Variants in TBC1D22A observed in about 807,000 individuals in gnomAD.
TBC1D22A encodes the protein putative GTPase activator.
TBC1D22A carries 38 observed loss-of-function variants against 60.2 expected under a neutral mutation model. That is an observed-to-expected ratio of 0.63 (90% CI 0.49 to 0.83). TBC1D22A has a LOEUF of 0.83. Among genes scored for constraint, TBC1D22A ranks in the 40% least tolerant of loss-of-function variants. The probability of loss-of-function intolerance (pLI) is 0.00; values close to 1 mark genes in which losing one functional copy is unlikely to be tolerated. For missense variants in TBC1D22A, 628 were observed against 701.0 expected, an observed-to-expected ratio of 0.90 and a Z score of 1.18; for synonymous variants, 302 against 281.7, an observed-to-expected ratio of 1.07 and a Z score of -0.72.
chr22:46,968,964 C>T (rs553213564), intron 8 of TBC1D22A, among the ~76,000 whole-genome samples: 38 of 152,288 alleles, frequency 2.5e-4, no homozygotes, highest in Admixed American at 2.3e-3. Context: ...TCTCCATCCA[C>T]GTGGACTGGT....
At chr22:47,037,438 A>G (rs557322244) in intron 11 of TBC1D22A, among the ~76,000 whole-genome samples, 8 of 152,286 alleles carry the variant, frequency 5.3e-5, no homozygotes, top group Admixed American at 2.0e-4. Flanking sequence ...GAGACCAATC[A>G]TGGGCAACAT....
intron 10 of TBC1D22A, among the ~76,000 whole-genome samples, chr22:47,000,273 C>G (rs2075269081): frequency 1.3e-5 from 2 of 151,898 alleles, no homozygotes; most frequent in Admixed American, 6.6e-5. Context: ...GAGCAGAGAG[C>G]TGGAGGAGGG....
intron 7 of TBC1D22A, among the ~76,000 whole-genome samples, chr22:46,901,522 A>G (rs1164520013): frequency 2.6e-5 from 4 of 152,262 alleles, no homozygotes; most frequent in South Asian, 2.1e-4. Context: ...TGAGTAATTC[A>G]CACACCAAAT....
At chr22:46,837,147 A>G (rs1007274892) in intron 4 of TBC1D22A, among the ~76,000 whole-genome samples, 6 of 152,236 alleles carry the variant, frequency 3.9e-5, no homozygotes, top group Admixed American at 1.3e-4. Flanking sequence ...AAGTGTCACA[A>G]GAGACAAGGG....
In TBC1D22A at chr22:46,979,513, G is replaced by A. The variant is rs191488584; in HGVS notation, c.1125+5114G>A. Among the ~76,000 whole-genome samples, 108 of 152,338 alleles carry A rather than the reference G, an allele frequency of 7.1e-4. 1 individual carries two copies. The highest frequency in any genetic ancestry group is 4.6e-3 in the Admixed American group (71 of 15,306). On this transcript the variant is annotated intron_variant, in intron 9 of 12. Coordinates refer to ENST00000337137, the MANE Select transcript of TBC1D22A (RefSeq NM_014346.5). ...CAGCGCACCAAGTGCTCTCCTTGAC[G>A]ACGCTTCTGTTTCTGGATTTGCCCC...
intron 10 of TBC1D22A, among the ~76,000 whole-genome samples, chr22:47,002,487 T>C (rs1298049128): frequency 6.6e-6 from 1 of 152,224 alleles, no homozygotes; most frequent in Non-Finnish European, 1.5e-5. Flanking sequence ...AATGAGATAT[T>C]TGCTACATTT....
Position 46,992,836 on chromosome 22 carries a change from C to T in TBC1D22A, c.1126-4798C>T, listed in dbSNP as rs535773276. Among the ~76,000 whole-genome samples the T allele has an allele frequency of 2.3e-3, 328 of 143,198 alleles. 4 individuals carry two copies. Among genetic ancestry groups the T allele is most frequent in the African/African-American group, 8.7e-3 (314 of 35,972 alleles). The allele number at this position is 143,198 out of a possible 152,430, so 93.9% of individuals were successfully genotyped here. On this transcript the variant is annotated intron_variant, in intron 9 of 12. Coordinates refer to ENST00000337137, the MANE Select transcript of TBC1D22A (RefSeq NM_014346.5). ...TTCAGGGCTGGTGGCCAGGGGCCCC[C>T]GAGAGGATGTGGAAGGGAGTCTTAA...
chr22:47,168,943 T>C (rs2068317186), intron 12 of TBC1D22A, among the ~76,000 whole-genome samples: 2 of 152,186 alleles, frequency 1.3e-5, no homozygotes, highest in African/African-American at 4.8e-5. Flanking sequence ...ATCGGGAGCC[T>C]CAGCATTGGG....
chr22:46,918,173 C>G (rs978793798), intron 8 of TBC1D22A, among the ~76,000 whole-genome samples: 4 of 152,232 alleles, frequency 2.6e-5, no homozygotes, highest in Admixed American at 6.5e-5. Flanking sequence ...TTGTGATCAT[C>G]GTTACTGTCA....
intron 10 of TBC1D22A, among the ~76,000 whole-genome samples, chr22:47,020,213 A>G (rs1318672392): frequency 6.6e-6 from 1 of 152,120 alleles, no homozygotes; most frequent in Non-Finnish European, 1.5e-5. Flanking sequence ...AAGGCCACTA[A>G]TGTGCTGCCC....
At chr22:47,168,346 G>A (rs930794352) in intron 12 of TBC1D22A, among the ~76,000 whole-genome samples, 2 of 148,474 alleles carry the variant, frequency 1.3e-5, no homozygotes, top group Non-Finnish European at 3.0e-5. Context: ...CTCGGTTTTG[G>A]GGATATAGGG....
At chr22:46,841,190 C>T (rs192964852) in intron 4 of TBC1D22A, among the ~76,000 whole-genome samples, 1 of 152,050 alleles carries the variant, frequency 6.6e-6, no homozygotes, top group Non-Finnish European at 1.5e-5. Context: ...AAAGGTGGGG[C>T]CTATAGGAGG....
At chr22:47,161,821 C>G (rs989771631) in intron 12 of TBC1D22A, among the ~76,000 whole-genome samples, 2 of 152,228 alleles carry the variant, frequency 1.3e-5, no homozygotes, top group Non-Finnish European at 2.9e-5. Context: ...CCGCGAATAC[C>G]CAGGGGCCCT....
At chr22:46,900,884 C>G (rs1176962858) in intron 7 of TBC1D22A, among the ~76,000 whole-genome samples, 1 of 152,186 alleles carries the variant, frequency 6.6e-6, no homozygotes, top group African/African-American at 2.4e-5. Context: ...GGAAAGCAAA[C>G]ATCCTGTTCT....
intron 11 of TBC1D22A, among the ~76,000 whole-genome samples, chr22:47,100,765 C>A (rs1015635876): frequency 1.3e-5 from 2 of 152,158 alleles, no homozygotes; most frequent in Non-Finnish European, 2.9e-5. Flanking sequence ...ATTGCCCAGT[C>A]TCAGGTATGT....
chr22:46,870,116 A>T (rs1341216404), intron 4 of TBC1D22A, among the ~76,000 whole-genome samples: 2 of 152,208 alleles, frequency 1.3e-5, no homozygotes, highest in African/African-American at 4.8e-5. Flanking sequence ...TGTTCCTTGT[A>T]AAAATTATGT....
chr22:47,077,049 G>A (rs115589775), intron 11 of TBC1D22A, among the ~76,000 whole-genome samples: 1,701 of 152,280 alleles, frequency 0.011, 8 homozygotes, highest in Middle Eastern at 0.062. Flanking sequence ...CGTATTATTG[G>A]CAAAATGTAA....
intron 8 of TBC1D22A, among the ~76,000 whole-genome samples, chr22:46,917,289 A>G: frequency 6.6e-6 from 1 of 152,192 alleles, no homozygotes; most frequent in East Asian, 1.9e-4. Context: ...GTAACAGCAG[A>G]GGAGTGACAC....
Position 46,874,840 on chromosome 22 carries a change from C to T in TBC1D22A, c.638-3813C>T, listed in dbSNP as rs376180012. 1.6e-3 allele frequency among the ~76,000 whole-genome samples: 246 copies of T among 152,266 alleles called. 2 individuals are homozygous for T. Among genetic ancestry groups the T allele is most frequent in the South Asian group, 0.014 (66 of 4,828 alleles). ...CTGCCCGCCTTGGCCTCCCAAAGTG[C>T]TAGGATTACAGGCGTGAGCCACTGC... On this transcript the variant is annotated intron_variant, in intron 4 of 12. Transcript: ENST00000337137.
Sources: gnomAD v4.1 joint callset for allele counts (sites outside exome capture counted in the v4.1 genomes callset) on GRCh38, gnomAD v4.1.1 for gene constraint, MANE v1.5 for transcripts, NCBI Gene and HGNC (gene_info 2026-07-23, HGNC 2026-07-21) for gene names.